The following NT5DC2 variants were observed in gnomAD, a reference collection of about 807,000 sequenced individuals.
The protein encoded by NT5DC2 is 5'-nucleotidase domain containing 2.
A neutral mutation model predicts 70.0 loss-of-function variants in NT5DC2; 41 were observed. The ratio of observed to expected loss-of-function variants is 0.59; its 90% CI spans 0.46 to 0.76. NT5DC2 has a LOEUF of 0.76. Ranked by LOEUF, NT5DC2 falls within the 30% of genes least tolerant of loss-of-function variation. NT5DC2 has a pLI of 0.00. For missense variants in NT5DC2, 705 were observed against 783.2 expected (o/e 0.90, Z 1.19); for synonymous variants, 299 against 310.4 (o/e 0.96, Z 0.39).
At chr3:52,530,602 C>A (rs2079346677) in intron 1 of NT5DC2, among the ~76,000 whole-genome samples, 1 of 152,074 alleles carries the variant, frequency 6.6e-6, no homozygotes, top group Non-Finnish European at 1.5e-5. Context: ...ACAGTCCCTG[C>A]TACTCAGGAG....
chr3:52,528,464 C>T lies in NT5DC2; in HGVS notation c.624G>A (p.Met208Ile). 1.2e-6 allele frequency: 2 copies of T among 1,613,758 alleles called. No homozygotes were observed. Among genetic ancestry groups the T allele is most frequent in the Non-Finnish European group, 8.5e-7 (1 of 1,180,020 alleles). ...GGTQHIPLYQ[M>I]SGFYGKGPSI... ...GGAGTACCTTGCCATAGAAGCCACT[C>T]ATCTGGTATAGTGGGATGTGCTGGG... Residue 208 changes from methionine (M) to isoleucine (I), a missense_variant, in exon 5 of 14, where the codon ATG becomes ATA. Transcript: ENST00000422318.
At chr3:52,534,913 G>T, upstream of NT5DC2, 1 of 485,022 alleles carries the variant, frequency 2.1e-6, no homozygotes, top group Non-Finnish European at 3.7e-6. Flanking sequence ...CTCGAGTGTG[G>T]CGGTGTCCCC....
intron 1 of NT5DC2, among the ~76,000 whole-genome samples, chr3:52,532,938 T>C (rs1397629203): frequency 2.0e-5 from 3 of 152,114 alleles, no homozygotes; most frequent in Non-Finnish European, 2.9e-5. Context: ...TAAGTGCCCT[T>C]TGCAGCCCTA....
At chr3:52,524,755 T>C in intron 13 of NT5DC2, 24 bp from the exon 14 acceptor site, 3 of 1,612,670 alleles carry the variant, frequency 1.9e-6, no homozygotes, top group Non-Finnish European at 2.5e-6. Context: ...CACGATGCGC[T>C]CAAGGGGTGG....
At chr3:52,527,800 G>A in intron 8 of NT5DC2, 29 bp downstream of exon 8, 2 of 1,612,268 alleles carry the variant, frequency 1.2e-6, no homozygotes, top group Non-Finnish European at 1.7e-6. Context: ...TGGCCCTGCT[G>A]TCCCTCCATC....
chr3:52,532,878 T>G (rs2079379287), intron 1 of NT5DC2, among the ~76,000 whole-genome samples: 1 of 152,038 alleles, frequency 6.6e-6, no homozygotes, highest in African/African-American at 2.4e-5. Flanking sequence ...AGAAGGGGCC[T>G]CAGCCTCCTC....
In NT5DC2 at chr3:52,531,734, C is replaced by T. The variant is rs2079361891; in HGVS notation, c.232+1772G>A. 6.6e-6 allele frequency among the ~76,000 whole-genome samples: 1 copy of T among 151,846 alleles called. No homozygotes were observed. The highest frequency in any genetic ancestry group is 2.4e-5 in the African/African-American group (1 of 41,284). ...ACTCAGCATGTCCAGCAATTGCCCT[C>T]CTTTCTCCTCAGCCCTAGCTCCCAC... is the stretch of plus-strand genomic sequence containing the variant. On this transcript the variant is annotated intron_variant, in intron 1 of 13. Coordinates refer to ENST00000422318, the MANE Select transcript of NT5DC2 (RefSeq NM_001134231.2). This position sits in a 1 kb window ranked among gnomAD's most constrained non-coding sequence, Gnocchi z 4.1.
intron 10 of NT5DC2, chr3:52,526,365 G>A (rs750595056): frequency 1.3e-5 from 2 of 152,214 alleles, no homozygotes; most frequent in Non-Finnish European, 2.9e-5. Context: ...TTGCTCCCCT[G>A]GCCAGCTGCT....
At chr3:52,528,410 T>C in intron 5 of NT5DC2, 36 bp downstream of exon 5, 1 of 1,613,072 alleles carries the variant, frequency 6.2e-7, no homozygotes, top group East Asian at 2.2e-5. Flanking sequence ...TGGGCACATG[T>C]CCATGGGGCA....
At chr3:52,525,353 C>A in intron 10 of NT5DC2, 58 bp from the exon 11 acceptor site, 1 of 1,390,066 alleles carries the variant, frequency 7.2e-7, no homozygotes, top group South Asian at 1.2e-5. Context: ...CACCAGTCCT[C>A]CCTCCCGAAT....
chr3:52,528,739 C>T, intron 3 of NT5DC2, 47 bp from the exon 4 acceptor site: 4 of 1,608,480 alleles, frequency 2.5e-6, no homozygotes, highest in Non-Finnish European at 3.4e-6. Context: ...GGCAGTTTCA[C>T]CGTGGCCCCA....
chr3:52,528,303 G>C lies in NT5DC2; in HGVS notation c.651C>G (p.Ser217=), dbSNP rs1471687775. 6.2e-7 allele frequency: 1 copy of C among 1,613,324 alleles called. No individual in the cohort carries two copies. The stretch of plus-strand genomic sequence containing the variant: ...AGAAGATGTCCATGAACTGCTTAAT[G>C]GAGGGACCCTGGGGAGGGGGCCATT... The part of the protein sequence containing the change: ...QMSGFYGKGP[S]IKQFMDIFSL... Residue 217 remains serine (S), a synonymous_variant, in exon 6 of 14, where the codon TCC becomes TCG. Coordinates refer to ENST00000422318, the MANE Select transcript of NT5DC2 (RefSeq NM_001134231.2).
In NT5DC2 at chr3:52,527,910, TC is replaced by T. The variant is rs2079302146; in HGVS notation, c.853del (p.Asp285MetfsTer7). The T allele has an allele frequency of 6.2e-7, 1 of 1,613,512 alleles. No homozygotes were observed. The highest frequency in any genetic ancestry group is 2.2e-5 in the East Asian group (1 of 44,878). ...QDMEKYILRG[D>X]ETFAVLSRLV... ...GCGGCTCAGGACAGCAAACGTCTCA[TC>T]CCCTCTCAGGATGTACTTCTCTAAT... On this transcript the variant is annotated frameshift_variant, in exon 8 of 14. Coordinates refer to ENST00000422318, the MANE Select transcript of NT5DC2 (RefSeq NM_001134231.2). LOFTEE classifies it high-confidence loss of function.
At chr3:52,528,721 G>A (rs749499095) in intron 3 of NT5DC2, 29 bp from the exon 4 acceptor site, 2 of 1,608,158 alleles carry the variant, frequency 1.2e-6, no homozygotes. Context: ...CAGGACGGAT[G>A]GTGAGGAGGC....
At chr3:52,526,055 GAC>G (rs1456752013) in intron 10 of NT5DC2, 1 of 52,430 alleles carries the variant, frequency 1.9e-5, no homozygotes, top group African/African-American at 5.2e-5. Context: ...GACTCCTAGT[GAC>G]TGACAGGCAG....
At chr3:52,525,355 C>T (rs1267118696) in intron 10 of NT5DC2, 60 bp from the exon 11 acceptor site, 2 of 1,365,866 alleles carry the variant, frequency 1.5e-6, no homozygotes, top group East Asian at 2.4e-5. Context: ...CCAGTCCTCC[C>T]TCCCGAATCC....
chr3:52,532,776 A>C (rs919853698), intron 1 of NT5DC2, among the ~76,000 whole-genome samples: 4 of 152,080 alleles, frequency 2.6e-5, no homozygotes, highest in Non-Finnish European at 5.9e-5. Context: ...CTGCAGAAGC[A>C]GGGCCCCACT....
At chr3:52,526,835 A>G (rs1170154904) in intron 10 of NT5DC2, among the ~76,000 whole-genome samples, 3 of 151,828 alleles carry the variant, frequency 2.0e-5, no homozygotes, top group Non-Finnish European at 4.4e-5. Context: ...AATTTTTTCT[A>G]TTTTTAGTAG....
rs1431609025 is a variant in NT5DC2, at chr3:52,531,989, C to T, written c.232+1517G>A. Among the ~76,000 whole-genome samples the T allele has an allele frequency of 6.6e-6, 1 of 152,184 alleles. No individual in the cohort carries two copies. Among genetic ancestry groups the T allele is most frequent in the African/African-American group, 2.4e-5 (1 of 41,432 alleles). ...TGAGATCACCATTCAAGTCACCCCA[C>T]CTGCATTAATCACTCTGCCTCTCAG... On this transcript the variant is annotated intron_variant, in intron 1 of 13. Coordinates refer to ENST00000422318, the MANE Select transcript of NT5DC2 (RefSeq NM_001134231.2). This position sits in a 1 kb window ranked among gnomAD's most constrained non-coding sequence, Gnocchi z 4.1.
Sources: allele counts gnomAD v4.1 joint callset (sites outside exome capture counted in the v4.1 genomes callset), GRCh38; gene constraint gnomAD v4.1.1; non-coding constraint Gnocchi (gnomAD v3.1); transcripts MANE v1.5; gene names NCBI Gene and HGNC (gene_info 2026-07-23, HGNC 2026-07-21).